ADA2: variants seen among roughly 807,000 people sequenced by gnomAD.
The protein encoded by ADA2 is adenosine deaminase 2.
In ADA2, 29 loss-of-function variants were observed where a neutral mutation model predicts 44.2. That is an observed-to-expected ratio of 0.66 (90% CI 0.49 to 0.89). ADA2 has a LOEUF of 0.89. ADA2 is among the 40% of genes least tolerant of loss of function. The pLI is 0.00. For missense variants in ADA2, 637 were observed against 644.8 expected (o/e 0.99, Z 0.13); for synonymous variants, 215 against 234.9 (o/e 0.92, Z 0.77).
chr22:17,192,235 TG>T (rs1381739204), intron 4 of ADA2, among the ~76,000 whole-genome samples: 8 of 152,126 alleles, frequency 5.3e-5, no homozygotes, highest in African/African-American at 1.9e-4. Context: ...GATGCCCACC[TG>T]TCTCCTTCAT....
intron 7 of ADA2, among the ~76,000 whole-genome samples, chr22:17,184,859 G>A (rs1284085567): frequency 6.8e-6 from 1 of 146,654 alleles, no homozygotes; most frequent in African/African-American, 2.6e-5. Flanking sequence ...AACCCAGGAG[G>A]TGGAGGCTGT....
chr22:17,212,956 A>ATTTTTT (rs34092800), intron 1 of ADA2, among the ~76,000 whole-genome samples: 2 of 144,274 alleles, frequency 1.4e-5, no homozygotes, highest in African/African-American at 2.6e-5. Flanking sequence ...CACTCAGCTA[A>ATTTTTT]TTTTTTTTTT....
upstream of ADA2, among the ~76,000 whole-genome samples, chr22:17,220,658 G>A (rs1395149569): frequency 1.3e-5 from 2 of 151,976 alleles, no homozygotes; most frequent in African/African-American, 2.4e-5. Context: ...CTAAAGACTC[G>A]ATTGCACCCC....
intron 1 of ADA2, chr22:17,214,114 A>C: frequency 1.4e-6 from 1 of 709,718 alleles, no homozygotes; most frequent in Admixed American, 1.9e-5. Context: ...ACACCTGGAC[A>C]CACTCACGGA....
chr22:17,183,188 A>G (rs964407716), intron 7 of ADA2, among the ~76,000 whole-genome samples: 4 of 151,666 alleles, frequency 2.6e-5, no homozygotes, highest in Admixed American at 2.0e-4. Context: ...GGTTCAAACA[A>G]TTTTCCTGCC....
intron 4 of ADA2, among the ~76,000 whole-genome samples, chr22:17,197,602 C>T (rs1369823975): frequency 1.3e-5 from 2 of 152,212 alleles, no homozygotes; most frequent in Non-Finnish European, 2.9e-5. Context: ...CTTTCACTAC[C>T]AGAGTATCAT....
At chr22:17,191,936 C>T (rs1378385626) in intron 4 of ADA2, 126 bp from the exon 5 acceptor site, 1 of 945,104 alleles carries the variant, frequency 1.1e-6, no homozygotes, top group East Asian at 2.8e-5. Flanking sequence ...CCCAGCCACC[C>T]CTTCCCAGCC....
At chr22:17,195,937 C>T (rs1190202424) in intron 4 of ADA2, among the ~76,000 whole-genome samples, 5 of 151,704 alleles carry the variant, frequency 3.3e-5, no homozygotes, top group Admixed American at 2.6e-4. Context: ...CTGGTAGAGA[C>T]GGGGTTTCGC....
At chr22:17,213,312 A>G (rs114503978) in intron 1 of ADA2, among the ~76,000 whole-genome samples, 128 of 152,322 alleles carry the variant, frequency 8.4e-4, no homozygotes, top group African/African-American at 2.8e-3. Flanking sequence ...TAGAACTACC[A>G]TACGATCCAG....
At chr22:17,210,291 A>C (rs1409064859) in intron 1 of ADA2, among the ~76,000 whole-genome samples, 2 of 149,358 alleles carry the variant, frequency 1.3e-5, no homozygotes, top group African/African-American at 2.5e-5. Flanking sequence ...CCCGGGTTCA[A>C]GTGCTTCTCC....
chr22:17,189,775 C>T lies in ADA2; in HGVS notation c.972+167G>A, dbSNP rs145231435. On this transcript the variant is annotated intron_variant, in intron 6 of 9. Coordinates refer to ENST00000399837, the MANE Select transcript of ADA2 (RefSeq NM_001282225.2). ...TGTAGGCCTCTGAAGAGGGTCAGCGCTGAGCTCTGAGCAGCCCTGCTGTGT... is the reference window on the plus strand; with the variant it reads ...TGTAGGCCTCTGAAGAGGGTCAGCGTTGAGCTCTGAGCAGCCCTGCTGTGT... 234 of 593,118 alleles carry T rather than the reference C, an allele frequency of 3.9e-4. 1 individual carries two copies. In the East Asian group the frequency reaches 5.7e-3, roughly 14 times the overall value. 36.7% of individuals were successfully genotyped at this position (593,118 alleles called of 1,614,324 possible).
intron 4 of ADA2, among the ~76,000 whole-genome samples, chr22:17,198,346 G>C (rs2062220419): frequency 6.6e-6 from 1 of 152,178 alleles, no homozygotes; most frequent in African/African-American, 2.4e-5. Context: ...ATACAGCTGG[G>C]CTGAAGATCT....
chr22:17,200,211 C>T (rs1364530984), intron 4 of ADA2, among the ~76,000 whole-genome samples: 3 of 128,534 alleles, frequency 2.3e-5, no homozygotes, highest in Non-Finnish European at 5.2e-5. Context: ...CAAACAAACA[C>T]AAGAATCACC....
chr22:17,213,561 G>T (rs186867860), intron 1 of ADA2: 63 of 299,746 alleles, frequency 2.1e-4, no homozygotes, highest in Middle Eastern at 1.2e-3. Flanking sequence ...GAAAGGCGTC[G>T]CAGAGCTCAG....
At chr22:17,194,571 C>G (rs1021880389) in intron 4 of ADA2, among the ~76,000 whole-genome samples, 1 of 152,136 alleles carries the variant, frequency 6.6e-6, no homozygotes, top group Admixed American at 6.6e-5. Flanking sequence ...TCTTCTGTTT[C>G]CTCTGCTGCC....
At chr22:17,199,433 T>TTTCCTCTTCCCCTCCCTCCCCTCCTCC in intron 4 of ADA2, 1 of 978,046 alleles carries the variant, frequency 1.0e-6, no homozygotes, top group Non-Finnish European at 1.6e-6. Flanking sequence ...TCCCCTCCTC[T>TTTCCTCTTCCCCTCCCTCCCCTCCTCC]ATCCTCTTCC....
At chr22:17,182,559 G>A (rs1348385882) in intron 8 of ADA2, 45 bp downstream of exon 8, 9 of 1,596,100 alleles carry the variant, frequency 5.6e-6, no homozygotes, top group African/African-American at 1.3e-5. Flanking sequence ...CAGAGGTTGT[G>A]GTTAGGGGAG....
At chr22:17,183,318 C>T (rs1367506923) in intron 7 of ADA2, among the ~76,000 whole-genome samples, 1 of 152,034 alleles carries the variant, frequency 6.6e-6, no homozygotes, top group Non-Finnish European at 1.5e-5. Context: ...TTCTTGACCT[C>T]GTGATCCACC....
chr22:17,195,712 G>A (rs1416445225), intron 4 of ADA2, among the ~76,000 whole-genome samples: 16 of 151,334 alleles, frequency 1.1e-4, no homozygotes, highest in East Asian at 9.7e-4. Context: ...CATTCTGACC[G>A]ATAATGCCAA....
Sources: allele counts gnomAD v4.1 joint callset (sites outside exome capture counted in the v4.1 genomes callset), GRCh38; gene constraint gnomAD v4.1.1; transcripts MANE v1.5; gene names NCBI Gene and HGNC (gene_info 2026-07-23, HGNC 2026-07-21).